PTMA: variants seen among roughly 807,000 people sequenced by gnomAD.
PTMA encodes prothymosin alpha, also known as gene sequence 28.
In PTMA, 4 loss-of-function variants were observed where a neutral mutation model predicts 16.9. The ratio of observed to expected loss-of-function variants is 0.24; its 90% CI spans 0.12 to 0.54. The LOEUF is 0.54. Ranked by LOEUF, PTMA falls within the 20% of genes least tolerant of loss-of-function variation. The probability of loss-of-function intolerance (pLI) is 0.95; values close to 1 mark genes in which losing one functional copy is unlikely to be tolerated. For synonymous variants in PTMA, 58 were observed against 47.9 expected, an observed-to-expected ratio of 1.21 and a Z score of -0.87; for missense variants, 120 against 137.7, an observed-to-expected ratio of 0.87 and a Z score of 0.64.
At chr2:231,711,232 ACT>A in intron 1 of PTMA, 114 bp from the exon 2 acceptor site, 1 of 817,990 alleles carries the variant, frequency 1.2e-6, no homozygotes. Flanking sequence ...TCAACATGCG[ACT>A]CTTAATTTGG....
chr2:231,711,628 A>G, intron 2 of PTMA: 1 of 733,946 alleles, frequency 1.4e-6, no homozygotes, highest in Non-Finnish European at 2.2e-6. Flanking sequence ...CTGAACAAGA[A>G]TAGGTTCAGA....
At chr2:231,711,308 G>A (rs370173732) in intron 1 of PTMA, 40 bp from the exon 2 acceptor site, 3 of 1,575,112 alleles carry the variant, frequency 1.9e-6, no homozygotes, top group Non-Finnish European at 2.6e-6. Flanking sequence ...GGGTTGCTCA[G>A]AAGACTTACT....
At chr2:231,711,085 C>A (rs2048512496) in intron 1 of PTMA, 1 of 352,728 alleles carries the variant, frequency 2.8e-6, no homozygotes, top group South Asian at 3.8e-5. Flanking sequence ...TGGGAAGCGC[C>A]AGGGGGCAGT....
intron 2 of PTMA, 163 bp downstream of exon 2, chr2:231,711,582 C>A: frequency 1.3e-6 from 1 of 744,572 alleles, no homozygotes; most frequent in Non-Finnish European, 2.2e-6. Flanking sequence ...GCGATTATTG[C>A]TAGTTAAATA....
At chr2:231,709,145 TG>T (rs757456142) in intron 1 of PTMA, among the ~76,000 whole-genome samples, 1 of 151,898 alleles carries the variant, frequency 6.6e-6, no homozygotes, top group East Asian at 1.9e-4. Context: ...TCGGAAGTGC[TG>T]GGGGGCGCGT....
Position 231,712,948 on chromosome 2 carries a change from G to C in PTMA, c.*97G>C, listed in dbSNP as rs1014495315. 3 of 1,338,860 alleles carry C rather than the reference G, an allele frequency of 2.2e-6. No individual in the cohort carries two copies. Among genetic ancestry groups the C allele is most frequent in the African/African-American group, 1.5e-5 (1 of 67,138 alleles). 82.9% of individuals were successfully genotyped at this position (1,338,860 alleles called of 1,614,324 possible). ...TCAGAATCTAAACGTGGTCACCTTC[G>C]AGTAGAGAGGCCCGCCCGCCCACCG... On this transcript the variant is annotated 3_prime_UTR_variant, in exon 5 of 5. Transcript: ENST00000409115.
At chr2:231,712,771 T>C in intron 4 of PTMA, 33 bp from the exon 5 acceptor site, 1 of 1,579,758 alleles carries the variant, frequency 6.3e-7, no homozygotes, top group Non-Finnish European at 8.6e-7. Context: ...CTCCTGGGGT[T>C]GGAGGGGCCT....
Position 231,708,877 on chromosome 2 carries a change from C to T in PTMA, c.45+126C>T, listed in dbSNP as rs2048475342. ...CTCTCGCGGGGAAACGGCCCGCCCC[C>T]GGCGCGGTGCCCTCAGGCAGCCCAC... On this transcript the variant is annotated intron_variant, in intron 1 of 4. Transcript: ENST00000409115. 11 of 1,172,626 alleles carry T rather than the reference C, an allele frequency of 9.4e-6. No individual in the cohort carries two copies. The South Asian group carries it at 1.2e-4, about 12-fold the overall frequency. 72.6% of individuals were successfully genotyped at this position (1,172,626 alleles called of 1,614,324 possible). A position where few individuals can be genotyped will look rare whatever the true frequency, so the allele number is the denominator to read the frequency against.
At chr2:231,712,134 C>A in intron 3 of PTMA, 151 bp downstream of exon 3, 2 of 1,382,548 alleles carry the variant, frequency 1.4e-6, no homozygotes, top group Non-Finnish European at 2.0e-6. Flanking sequence ...CCTGTAGAGT[C>A]AGGGAAGGTC....
chr2:231,710,154 C>T (rs759827937), intron 1 of PTMA: 120 of 1,264,752 alleles, frequency 9.5e-5, no homozygotes, highest in Admixed American at 6.4e-4. Flanking sequence ...TTTGGGGCGA[C>T]CTCCCGTGGG....
chr2:231,712,989 G>C lies in PTMA; in HGVS notation c.*138G>C, dbSNP rs62197233. On this transcript the variant is annotated 3_prime_UTR_variant, in exon 5 of 5. Transcript: ENST00000409115. ...CCGCCCACCGTGGGCAGTGCCACCC[G>C]CAGATGACACGCGCTCTCCACCACC... 2 of 853,108 alleles carry C rather than the reference G, an allele frequency of 2.3e-6. No homozygotes were observed. Among genetic ancestry groups the C allele is most frequent in the East Asian group, 5.4e-5 (2 of 37,300 alleles). The allele number at this position is 853,108 out of a possible 1,614,324, so 52.8% of individuals were successfully genotyped here.
intron 3 of PTMA, 147 bp from the exon 4 acceptor site, chr2:231,712,296 T>G: frequency 2.3e-6 from 2 of 883,972 alleles, no homozygotes; most frequent in Non-Finnish European, 3.6e-6. Context: ...CCCACCTGTG[T>G]AGTGGGCGTG....
chr2:231,709,807 T>C (rs747430251), intron 1 of PTMA: 19 of 177,152 alleles, frequency 1.1e-4, no homozygotes, highest in Non-Finnish European at 1.9e-4. Context: ...TCTTAATATT[T>C]CGGCCCTCGT....
chr2:231,709,838 CAGGGA>C, intron 1 of PTMA: 1 of 221,016 alleles, frequency 4.5e-6, no homozygotes, highest in East Asian at 9.2e-5. Context: ...CGTGCCCCTG[CAGGGA>C]TTGGCGCGAG....
intron 3 of PTMA, 92 bp downstream of exon 3, chr2:231,712,075 T>TG: frequency 1.3e-6 from 2 of 1,537,904 alleles, no homozygotes; most frequent in South Asian, 2.4e-5. Context: ...CTCCTGGGAG[T>TG]GGGACAATGG....
chr2:231,712,607 T>C (rs930627349), intron 4 of PTMA, 91 bp downstream of exon 4: 7 of 1,451,218 alleles, frequency 4.8e-6, no homozygotes, highest in Non-Finnish European at 6.7e-6. Flanking sequence ...AGGGACTGTT[T>C]CTGACTTTGT....
Position 231,708,601 on chromosome 2 carries a change from C to G in PTMA, c.-106C>G. 6.9e-7 allele frequency: 1 copy of G among 1,445,910 alleles called. No homozygotes were observed. The highest frequency in any genetic ancestry group is 9.6e-7 in the Non-Finnish European group (1 of 1,045,742). 89.6% of individuals were successfully genotyped at this position (1,445,910 alleles called of 1,614,324 possible). A position where few individuals can be genotyped will look rare whatever the true frequency, so the allele number is the denominator to read the frequency against. The stretch of plus-strand genomic sequence containing the variant: ...CCTTGCTCGCCGCAGCCGCCTCCGC[C>G]GCGCGCCTCCTCCGCCGCCGCGGAC... On this transcript the variant is annotated 5_prime_UTR_variant, in exon 1 of 5. Coordinates refer to ENST00000409115, the MANE Select transcript of PTMA (RefSeq NM_002823.5).
chr2:231,709,560 T>A (rs1249107286), intron 1 of PTMA, among the ~76,000 whole-genome samples: 1 of 152,110 alleles, frequency 6.6e-6, no homozygotes, highest in Non-Finnish European at 1.5e-5. Flanking sequence ...GGGAGCACCG[T>A]GTGCGCCGCA....
In PTMA at chr2:231,713,524, C is replaced by T. The variant is rs2048547617; in HGVS notation, c.*673C>T. Reference sequence around the variant, plus strand: ...AACAATAAACAGGAATTTTATTTTGCTGAGTTGTTCTAACAAAGCTGTCTC... The same window carrying T: ...AACAATAAACAGGAATTTTATTTTGTTGAGTTGTTCTAACAAAGCTGTCTC... On this transcript the variant is annotated 3_prime_UTR_variant, in exon 5 of 5. Transcript: ENST00000409115. The T allele has an allele frequency of 7.2e-6, 3 of 417,240 alleles. No individual in the cohort carries two copies. Among genetic ancestry groups the T allele is most frequent in the Non-Finnish European group, 1.5e-5 (3 of 206,510 alleles). The allele number at this position is 417,240 out of a possible 1,614,324, so 25.8% of individuals were successfully genotyped here. A position where few individuals can be genotyped will look rare whatever the true frequency, so the allele number is the denominator to read the frequency against.
Sources: allele counts gnomAD v4.1 joint callset (sites outside exome capture counted in the v4.1 genomes callset), GRCh38; gene constraint gnomAD v4.1.1; transcripts MANE v1.5; gene names NCBI Gene and HGNC (gene_info 2026-07-23, HGNC 2026-07-21).